The following CACNA1E variants were observed in gnomAD, a reference collection of about 807,000 sequenced individuals.
CACNA1E encodes voltage-dependent R-type calcium channel subunit alpha-1E.
CACNA1E carries 40 observed loss-of-function variants against 259.2 expected under a neutral mutation model. The observed-to-expected ratio is 0.15, with a 90% confidence interval of 0.12 to 0.20. CACNA1E has a LOEUF of 0.20. CACNA1E is among the 10% of genes least tolerant of loss of function. CACNA1E has a pLI of 1.00. For missense variants in CACNA1E, 1,874 were observed against 3,040.1 expected, an observed-to-expected ratio of 0.62 and a Z score of 9.02; for synonymous variants, 1,104 against 1,138.5, an observed-to-expected ratio of 0.97 and a Z score of 0.61.
chr1:181,410,149 G>T (rs913232782), intron 1 of CACNA1E, among the ~76,000 whole-genome samples: 1 of 152,198 alleles, frequency 6.6e-6, no homozygotes, highest in Non-Finnish European at 1.5e-5. Context: ...CGTGCATGTG[G>T]TGAGGGAGAG....
chr1:181,736,306 C>A lies in CACNA1E; in HGVS notation c.3294C>A (p.Pro1098=). 6.2e-7 allele frequency: 1 copy of A among 1,600,326 alleles called. No individual in the cohort carries two copies. The highest frequency in any genetic ancestry group is 8.5e-7 in the Non-Finnish European group (1 of 1,173,162). The part of the protein sequence containing the change: ...ISNKTDGEAS[P]LKEAEIREDE... ...ACAAGACGGATGGGGAAGCCAGTCCCTTGAAGGAGGCAGAGATCAGAGAGG... is the reference window on the plus strand; with the variant it reads ...ACAAGACGGATGGGGAAGCCAGTCCATTGAAGGAGGCAGAGATCAGAGAGG... Residue 1098 remains proline (P), a synonymous_variant, in exon 22 of 48, where the codon CCC becomes CCA. Transcript: ENST00000367573.
intron 6 of CACNA1E, among the ~76,000 whole-genome samples, chr1:181,634,141 T>C (rs1033471703): frequency 1.2e-4 from 18 of 152,246 alleles, no homozygotes; most frequent in Non-Finnish European, 2.5e-4. Context: ...GTTTGAATTC[T>C]AGCTCTCATT....
Position 181,732,350 on chromosome 1 carries a change from C to T in CACNA1E, c.2298-34C>T, listed in dbSNP as rs1655567538. 1.4e-6 allele frequency: 2 copies of T among 1,475,224 alleles called. No homozygotes were observed. Among genetic ancestry groups the T allele is most frequent in the Non-Finnish European group, 1.8e-6 (2 of 1,113,094 alleles). 91.4% of individuals were successfully genotyped at this position (1,475,224 alleles called of 1,614,324 possible). ...ACCCTCCCTGCCTGCAGCTTCTGGG[C>T]TCTGACCGCGGCCCTGCCCTTTCCC... On this transcript the variant is annotated intron_variant, in intron 19 of 47. Transcript: ENST00000367573. This position sits in a 1 kb window ranked among gnomAD's most constrained non-coding sequence, Gnocchi z 5.5.
At position 181,800,291 on chromosome 1, in the gene CACNA1E, C is replaced by T. The variant is rs374240071; in HGVS notation, c.*1457C>T. ...AGGATGACAAGACTGGGGCCCTGTT[C>T]ACCTTGAACATGCCCCTGGGCCAAG... On this transcript the variant is annotated 3_prime_UTR_variant, in exon 48 of 48. Transcript: ENST00000367573. 4.3e-4 allele frequency: 65 copies of T among 152,776 alleles called. No homozygotes were observed. The highest frequency in any genetic ancestry group is 1.5e-3 in the African/African-American group (61 of 41,576). The allele number at this position is 152,776 out of a possible 1,614,324, so 9.5% of individuals were successfully genotyped here. A position where few individuals can be genotyped will look rare whatever the true frequency, so the allele number is the denominator to read the frequency against.
intron 1 of CACNA1E, among the ~76,000 whole-genome samples, chr1:181,492,403 C>T (rs1391663196): frequency 6.6e-6 from 1 of 151,916 alleles, no homozygotes; most frequent in Non-Finnish European, 1.5e-5. Flanking sequence ...TTTTTTTGTT[C>T]AATTAACCAA....
At chr1:181,352,103 A>G (rs1424168531) in intron 1 of CACNA1E, among the ~76,000 whole-genome samples, 1 of 152,198 alleles carries the variant, frequency 6.6e-6, no homozygotes, top group African/African-American at 2.4e-5. Context: ...ACAGGCCTAT[A>G]CTTGATTATG....
chr1:181,751,380 G>A (rs908859762), intron 26 of CACNA1E, among the ~76,000 whole-genome samples: 4 of 152,224 alleles, frequency 2.6e-5, no homozygotes, highest in African/African-American at 7.2e-5. Context: ...TGCAGTTTGG[G>A]CCTCCTCCAG....
At chr1:181,587,988 G>A (rs994039349) in intron 6 of CACNA1E, among the ~76,000 whole-genome samples, 1 of 152,248 alleles carries the variant, frequency 6.6e-6, no homozygotes, top group African/African-American at 2.4e-5. Context: ...TAGAAGTAGG[G>A]AGTGGGTTTT....
rs569273409 is a variant in CACNA1E at position 181,606,129 on chromosome 1, G to A, written c.951+25353G>A. 3.9e-5 allele frequency among the ~76,000 whole-genome samples: 6 copies of A among 152,114 alleles called. No homozygotes were observed. The East Asian group carries it at 1.2e-3, about 29-fold the overall frequency. On this transcript the variant is annotated intron_variant, in intron 6 of 47. Transcript: ENST00000367573. Reference sequence around the variant, plus strand: ...TCTCCTTCTAGGAGATCTTTTTGAAGTCTCTTGACTATACACCAATGAGTT... The same window carrying A: ...TCTCCTTCTAGGAGATCTTTTTGAAATCTCTTGACTATACACCAATGAGTT...
chr1:181,438,620 T>A (rs527887039), intron 2 of CACNA1E, among the ~76,000 whole-genome samples: 37 of 152,120 alleles, frequency 2.4e-4, no homozygotes, highest in Admixed American at 1.2e-3. Context: ...AATACAAATA[T>A]AAACAATTAG....
intron 2 of CACNA1E, among the ~76,000 whole-genome samples, chr1:181,429,251 C>T (rs1374690536): frequency 6.6e-6 from 1 of 152,092 alleles, no homozygotes; most frequent in African/African-American, 2.4e-5. Context: ...CTTGGCCAGG[C>T]CTCTTCACCT....
intron 2 of CACNA1E, among the ~76,000 whole-genome samples, chr1:181,432,131 A>T (rs1202538998): frequency 6.6e-6 from 1 of 152,228 alleles, no homozygotes; most frequent in Non-Finnish European, 1.5e-5. Context: ...CCTTGGCCTG[A>T]TTTAATTCAG....
At position 181,757,069 on chromosome 1, in the gene CACNA1E, C is replaced by T; in HGVS notation, c.4272C>T (p.Ile1424=). The T allele has an allele frequency of 1.2e-6, 2 of 1,613,886 alleles. No homozygotes were observed. The highest frequency in any genetic ancestry group is 1.7e-6 in the Non-Finnish European group (2 of 1,179,784). Residue 1424 remains isoleucine, a synonymous_variant, in exon 30 of 48, where the codon ATC becomes ATT. Transcript: ENST00000367573. ...FVNIFVALII[I]TFQEQGDKMM... ...ATATCTTTGTGGCTCTCATCATCAT[C>T]ACCTTCCAGGAGCAAGGGGATAAGA...
intron 46 of CACNA1E, among the ~76,000 whole-genome samples, chr1:181,795,292 C>A (rs906849196): frequency 6.6e-6 from 1 of 152,158 alleles, no homozygotes; most frequent in African/African-American, 2.4e-5. Flanking sequence ...CTATACAAAT[C>A]ATTAGAATTG....
At chr1:181,700,054 T>C (rs1450023941) in intron 7 of CACNA1E, among the ~76,000 whole-genome samples, 1 of 152,174 alleles carries the variant, frequency 6.6e-6, no homozygotes, top group East Asian at 1.9e-4. Context: ...TCCATGGGCC[T>C]GTGCAACGTC....
chr1:181,732,579 G>A lies in CACNA1E; in HGVS notation c.2493G>A (p.Arg831=). Residue 831 remains arginine (R), a synonymous_variant, in exon 20 of 48, where the codon AGG becomes AGA. Coordinates refer to ENST00000367573, the MANE Select transcript of CACNA1E (RefSeq NM_001205293.3). The surrounding 1 kb of genome is among the most constrained non-coding windows in gnomAD (Gnocchi z 5.5). ...ACCCCAGCCTTTATCGGCGACCCAG[G>A]GCCATTGAGGGCCTGGCCCTGGGCC... is the stretch of plus-strand genomic sequence containing the variant. ...NAHPSLYRRP[R]AIEGLALGLA... The A allele has an allele frequency of 6.6e-7, 1 of 1,520,648 alleles. No individual in the cohort carries two copies. Among genetic ancestry groups the A allele is most frequent in the Non-Finnish European group, 8.8e-7 (1 of 1,133,530 alleles). The allele number at this position is 1,520,648 out of a possible 1,614,324, so 94.2% of individuals were successfully genotyped here.
At chr1:181,679,178 G>A (rs183327303) in intron 7 of CACNA1E, among the ~76,000 whole-genome samples, 1 of 152,186 alleles carries the variant, frequency 6.6e-6, no homozygotes, top group African/African-American at 2.4e-5. Context: ...AGAATAGCCG[G>A]AAAGTTAACA....
chr1:181,327,087 C>T (rs1430371877), intron 1 of CACNA1E, among the ~76,000 whole-genome samples: 1 of 152,216 alleles, frequency 6.6e-6, no homozygotes, highest in East Asian at 1.9e-4. Context: ...CTCTCCTAGG[C>T]TGAGATCCTT....
chr1:181,550,976 C>T (rs754892754), intron 3 of CACNA1E, among the ~76,000 whole-genome samples: 3 of 151,858 alleles, frequency 2.0e-5, no homozygotes, highest in Non-Finnish European at 4.4e-5. Flanking sequence ...GCTGTATCAG[C>T]GCCAAACACT....
Sources: allele counts gnomAD v4.1 joint callset (sites outside exome capture counted in the v4.1 genomes callset), GRCh38; gene constraint gnomAD v4.1.1; non-coding constraint Gnocchi (gnomAD v3.1); transcripts MANE v1.5; gene names NCBI Gene and HGNC (gene_info 2026-07-23, HGNC 2026-07-21).